CCDC141: variants seen among roughly 807,000 people sequenced by gnomAD.
CCDC141 encodes coiled-coil domain-containing protein 141.
A neutral mutation model predicts 181.0 loss-of-function variants in CCDC141; 168 were observed. The observed-to-expected ratio is 0.93, with a 90% confidence interval of 0.82 to 1.05. CCDC141 has a LOEUF of 1.05. Among genes scored for constraint, CCDC141 ranks in the 50% least tolerant of loss-of-function variants. CCDC141 has a pLI of 0.00. For missense variants in CCDC141, 1,902 were observed against 1,788.5 expected, an observed-to-expected ratio of 1.06 and a Z score of -1.14; for synonymous variants, 666 against 642.3, an observed-to-expected ratio of 1.04 and a Z score of -0.56.
At chr2:178,965,523 T>C (rs189512072) in intron 4 of CCDC141, among the ~76,000 whole-genome samples, 69 of 152,178 alleles carry the variant, frequency 4.5e-4, no homozygotes, top group African/African-American at 1.7e-3. Flanking sequence ...GCACAAGTGG[T>C]AGGGGAATTT....
intron 2 of CCDC141, among the ~76,000 whole-genome samples, chr2:179,039,453 T>G (rs2043234330): frequency 2.0e-5 from 3 of 152,194 alleles, no homozygotes. Context: ...AAAAGCAGCA[T>G]GTACTTCCAT....
chr2:178,820,143 T>C, the CCDC141 span, among the ~76,000 whole-genome samples: 3 of 152,334 alleles, frequency 2.0e-5, no homozygotes, highest in South Asian at 6.2e-4. Flanking sequence ...TAGTTACTTC[T>C]GTTTGAAAAT....
chr2:179,009,073 G>C (rs2042191151), intron 2 of CCDC141, among the ~76,000 whole-genome samples: 1 of 152,146 alleles, frequency 6.6e-6, no homozygotes, highest in Non-Finnish European at 1.5e-5. Flanking sequence ...TCCTAATGCT[G>C]TGCATGGGGT....
chr2:178,842,577 G>A (rs1182515661), intron 22 of CCDC141, among the ~76,000 whole-genome samples: 1 of 152,096 alleles, frequency 6.6e-6, no homozygotes, highest in Non-Finnish European at 1.5e-5. Flanking sequence ...CAACTAAGTG[G>A]GCAGAACCAA....
chr2:178,919,578 G>A (rs1688597873), intron 6 of CCDC141, among the ~76,000 whole-genome samples: 1 of 152,142 alleles, frequency 6.6e-6, no homozygotes, highest in South Asian at 2.1e-4. Flanking sequence ...ATGAACAACA[G>A]TTTTAAATCT....
At chr2:179,028,589 T>C (rs958237368) in intron 2 of CCDC141, among the ~76,000 whole-genome samples, 1 of 152,230 alleles carries the variant, frequency 6.6e-6, no homozygotes, top group Non-Finnish European at 1.5e-5. Context: ...AATCATGTAA[T>C]AATACCAGTG....
intron 4 of CCDC141, among the ~76,000 whole-genome samples, chr2:178,974,273 CAAAT>C (rs1199111587): frequency 6.6e-6 from 1 of 152,108 alleles, no homozygotes; most frequent in Non-Finnish European, 1.5e-5. Context: ...AGAACTGTGA[CAAAT>C]GAATTCAAGA....
chr2:178,909,665 C>T (rs1466068864), intron 7 of CCDC141, among the ~76,000 whole-genome samples: 1 of 152,176 alleles, frequency 6.6e-6, no homozygotes, highest in African/African-American at 2.4e-5. Flanking sequence ...CTCACTTAAT[C>T]TACCCTCAAA....
At position 178,832,183 on chromosome 2, in the gene CCDC141, G is replaced by A. The variant is rs1442339849; in HGVS notation, c.*1990C>T. 1.3e-5 allele frequency: 2 copies of A among 152,156 alleles called. No individual in the cohort carries two copies. Among genetic ancestry groups the A allele is most frequent in the Non-Finnish European group, 2.9e-5 (2 of 68,040 alleles). 9.4% of individuals were successfully genotyped at this position (152,156 alleles called of 1,614,324 possible). A position where few individuals can be genotyped will look rare whatever the true frequency, so the allele number is the denominator to read the frequency against. On this transcript the variant is annotated 3_prime_UTR_variant, in exon 24 of 24. Transcript: ENST00000443758. ...TTTAGCTTCAACGTGGGCAACAGCA[G>A]TTAGGCAAGATTCACACATTATTTG... is the stretch of plus-strand genomic sequence containing the variant.
At chr2:179,026,307 A>T (rs2042842035) in intron 2 of CCDC141, among the ~76,000 whole-genome samples, 1 of 152,158 alleles carries the variant, frequency 6.6e-6, no homozygotes, top group Non-Finnish European at 1.5e-5. Flanking sequence ...TAGCCTAGGG[A>T]CTTGGTGGCC....
At chr2:178,935,552 C>G (rs1326587664) in intron 6 of CCDC141, among the ~76,000 whole-genome samples, 7 of 152,078 alleles carry the variant, frequency 4.6e-5, no homozygotes, top group South Asian at 4.1e-4. Flanking sequence ...CATTTTATGT[C>G]TTCCCTGTTG....
intron 2 of CCDC141, among the ~76,000 whole-genome samples, chr2:178,994,593 T>C (rs895922154): frequency 1.3e-5 from 2 of 152,214 alleles, no homozygotes; most frequent in African/African-American, 4.8e-5. Flanking sequence ...CATCATTTTC[T>C]TGGGGATTAG....
At chr2:179,005,206 C>T (rs1402763013) in intron 2 of CCDC141, among the ~76,000 whole-genome samples, 1 of 152,094 alleles carries the variant, frequency 6.6e-6, no homozygotes, top group East Asian at 1.9e-4. Flanking sequence ...TGATTTCCCT[C>T]CAATTAGACT....
intron 2 of CCDC141, among the ~76,000 whole-genome samples, chr2:178,998,666 C>G (rs1456993391): frequency 6.6e-6 from 1 of 151,520 alleles, no homozygotes; most frequent in Non-Finnish European, 1.5e-5. Context: ...ATTTTTTTTT[C>G]TTCCACTGAC....
intron 8 of CCDC141, 87 bp downstream of exon 8, chr2:178,905,240 GAA>G: frequency 3.2e-6 from 4 of 1,234,796 alleles, no homozygotes; most frequent in Non-Finnish European, 4.4e-6. Context: ...ATCAGAACCA[GAA>G]AAAGACAATC....
In CCDC141 at chr2:178,932,742, T is replaced by C. The variant is rs1689148350; in HGVS notation, c.897+11793A>G. On this transcript the variant is annotated intron_variant, in intron 6 of 23. Coordinates refer to ENST00000443758, the MANE Select transcript of CCDC141 (RefSeq NM_173648.4). Reference sequence around the variant, plus strand: ...TAATTTTCTTTTGTTTAGTTTTATGTCATTTCTATTTTTTCTAAAATGAGA... The same window carrying C: ...TAATTTTCTTTTGTTTAGTTTTATGCCATTTCTATTTTTTCTAAAATGAGA... 2.0e-5 allele frequency among the ~76,000 whole-genome samples: 3 copies of C among 152,342 alleles called. No individual in the cohort carries two copies. In the South Asian group the frequency reaches 6.2e-4, roughly 32 times the overall value.
At chr2:178,979,262 G>A (rs1363120164) in intron 2 of CCDC141, among the ~76,000 whole-genome samples, 1 of 152,090 alleles carries the variant, frequency 6.6e-6, no homozygotes, top group East Asian at 1.9e-4. Context: ...TTCAGGGATA[G>A]GAGGATTCAA....
intron 2 of CCDC141, among the ~76,000 whole-genome samples, chr2:178,985,914 C>A (rs542651169): frequency 0.011 from 1,639 of 152,278 alleles, 90 homozygotes; most frequent in Admixed American, 0.094. Flanking sequence ...ACCATTCCTT[C>A]TGAAACTATT....
intron 6 of CCDC141, among the ~76,000 whole-genome samples, chr2:178,919,273 C>T (rs898473317): frequency 6.6e-6 from 1 of 152,142 alleles, no homozygotes; most frequent in Non-Finnish European, 1.5e-5. Context: ...ACAAAGACAC[C>T]TCTTTTTATA....
Sources: gnomAD v4.1 joint callset for allele counts (sites outside exome capture counted in the v4.1 genomes callset) on GRCh38, gnomAD v4.1.1 for gene constraint, MANE v1.5 for transcripts, NCBI Gene and HGNC (gene_info 2026-07-23, HGNC 2026-07-21) for gene names.